The following LRP1B variants were observed in gnomAD, a reference collection of about 807,000 sequenced individuals.
LRP1B encodes the protein LDL receptor related protein 1B, also known as low-density lipoprotein receptor-related protein 1B.
Under a neutral mutation model 556.6 loss-of-function variants are expected in LRP1B, and 217 were observed. That is an observed-to-expected ratio of 0.39 (90% CI 0.35 to 0.44). LRP1B has a LOEUF of 0.44. Among genes scored for constraint, LRP1B ranks in the 20% least tolerant of loss-of-function variants. The pLI is 1.00. For missense variants in LRP1B, 5,053 were observed against 5,620.8 expected, an observed-to-expected ratio of 0.90 and a Z score of 3.23; for synonymous variants, 2,047 against 1,865.8, an observed-to-expected ratio of 1.10 and a Z score of -2.50.
At chr2:140,674,087 T>G (rs1038749979) in intron 41 of LRP1B, among the ~76,000 whole-genome samples, 1 of 151,906 alleles carries the variant, frequency 6.6e-6, no homozygotes, top group Non-Finnish European at 1.5e-5. Flanking sequence ...AAGCTGGGAT[T>G]ACAGGCGCCC....
intron 5 of LRP1B, among the ~76,000 whole-genome samples, chr2:141,238,480 A>G (rs929649988): frequency 2.6e-5 from 4 of 152,128 alleles, no homozygotes; most frequent in African/African-American, 9.6e-5. Context: ...AATATTTATT[A>G]TCCATTCAAC....
At chr2:140,843,249 A>G (rs1692177172) in intron 29 of LRP1B, among the ~76,000 whole-genome samples, 1 of 152,028 alleles carries the variant, frequency 6.6e-6, no homozygotes, top group Non-Finnish European at 1.5e-5. Context: ...AAAGCTATAA[A>G]TATCTATCTA....
chr2:141,267,424 C>T (rs555791094), intron 3 of LRP1B, among the ~76,000 whole-genome samples: 12 of 152,006 alleles, frequency 7.9e-5, no homozygotes, highest in African/African-American at 2.4e-4. Context: ...CTCATAAATG[C>T]TGAGATATGA....
At chr2:140,328,145 C>G (rs141740167) in intron 79 of LRP1B, among the ~76,000 whole-genome samples, 139 of 152,020 alleles carry the variant, frequency 9.1e-4, no homozygotes, top group African/African-American at 3.0e-3. Context: ...AATCAATTCT[C>G]AAGAAACTCA....
intron 3 of LRP1B, among the ~76,000 whole-genome samples, chr2:141,278,104 G>A (rs1164085435): frequency 1.3e-5 from 2 of 152,054 alleles, no homozygotes; most frequent in Admixed American, 1.3e-4. Flanking sequence ...AAAATCCTAA[G>A]TTGTCTCAAA....
At chr2:140,759,161 G>A (rs1472969917) in intron 35 of LRP1B, among the ~76,000 whole-genome samples, 5 of 151,994 alleles carry the variant, frequency 3.3e-5, no homozygotes, top group African/African-American at 1.2e-4. Flanking sequence ...ACTGTTGACT[G>A]AGAAAATAGA....
intron 7 of LRP1B, among the ~76,000 whole-genome samples, chr2:141,081,593 T>G (rs1699923714): frequency 6.6e-6 from 1 of 152,196 alleles, no homozygotes; most frequent in African/African-American, 2.4e-5. Flanking sequence ...ACTGGAGGAA[T>G]AAGAACTTGC....
At chr2:140,322,814 G>A (rs570960115) in intron 81 of LRP1B, among the ~76,000 whole-genome samples, 4 of 151,924 alleles carry the variant, frequency 2.6e-5, no homozygotes, top group South Asian at 2.1e-4. Flanking sequence ...TATGAGAGTG[G>A]CTTTTTTTCT....
chr2:141,397,003 C>T (rs1018909192), intron 3 of LRP1B, among the ~76,000 whole-genome samples: 1 of 149,536 alleles, frequency 6.7e-6, no homozygotes, highest in African/African-American at 2.5e-5. Context: ...ATCCCAACTA[C>T]TCGGGAGGCT....
chr2:141,542,964 C>A (rs2105212954), intron 2 of LRP1B, among the ~76,000 whole-genome samples: 1 of 152,182 alleles, frequency 6.6e-6, no homozygotes, highest in Admixed American at 6.6e-5. Context: ...AGAAGATTCC[C>A]AAACTATCTC....
At chr2:140,289,310 A>G (rs1683282256) in intron 84 of LRP1B, among the ~76,000 whole-genome samples, 1 of 151,986 alleles carries the variant, frequency 6.6e-6, no homozygotes, top group South Asian at 2.1e-4. Context: ...CGCTTTATCT[A>G]ACTTTTACTC....
intron 6 of LRP1B, among the ~76,000 whole-genome samples, chr2:141,218,823 C>G (rs1193891471): frequency 1.3e-5 from 2 of 152,102 alleles, no homozygotes; most frequent in Non-Finnish European, 2.9e-5. Context: ...AGAAGCAGCT[C>G]CAGTCTGCAG....
chr2:140,956,321 T>G (rs748386699), intron 18 of LRP1B, among the ~76,000 whole-genome samples: 23 of 151,766 alleles, frequency 1.5e-4, no homozygotes, highest in Non-Finnish European at 2.8e-4. Context: ...CAAAATACAT[T>G]ATTTTTTTCA....
intron 1 of LRP1B, among the ~76,000 whole-genome samples, chr2:141,822,118 C>CAGAGAGAGAGAGAGAGAGAGAG (rs1417592688): frequency 1.9e-5 from 2 of 102,988 alleles, no homozygotes; most frequent in African/African-American, 8.4e-5. Flanking sequence ...CACACACACA[C>CAGAGAGAGAGAGAGAGAGAGAG]ACACACACAC....
chr2:141,672,994 T>G (rs577457083), intron 2 of LRP1B, among the ~76,000 whole-genome samples: 47 of 152,278 alleles, frequency 3.1e-4, no homozygotes, highest in African/African-American at 1.1e-3. Flanking sequence ...TGGGTATCAT[T>G]AACACATTCC....
chr2:141,107,371 G>A (rs566638496), intron 7 of LRP1B, among the ~76,000 whole-genome samples: 93 of 152,246 alleles, frequency 6.1e-4, no homozygotes, highest in African/African-American at 2.1e-3. Flanking sequence ...ATTTAGGCTG[G>A]GCACGGTAGC....
At chr2:141,397,817 A>G (rs576874186) in intron 3 of LRP1B, among the ~76,000 whole-genome samples, 1 of 150,626 alleles carries the variant, frequency 6.6e-6, no homozygotes, top group Non-Finnish European at 1.5e-5. Flanking sequence ...TTATATATAC[A>G]TATATATTTA....
chr2:140,845,566 G>A (rs1164269656), intron 29 of LRP1B, among the ~76,000 whole-genome samples: 1 of 150,886 alleles, frequency 6.6e-6, no homozygotes, highest in South Asian at 2.1e-4. Context: ...AAAAACAAAA[G>A]GTCCAATCCT....
intron 77 of LRP1B, among the ~76,000 whole-genome samples, chr2:140,348,629 T>C (rs1041073376): frequency 2.0e-5 from 3 of 152,132 alleles, no homozygotes; most frequent in African/African-American, 7.2e-5. Context: ...ATTACTATCA[T>C]TAAAAGTAAA....
Sources: gnomAD v4.1 joint callset for allele counts (sites outside exome capture counted in the v4.1 genomes callset) on GRCh38, gnomAD v4.1.1 for gene constraint, MANE v1.5 for transcripts, NCBI Gene and HGNC (gene_info 2026-07-23, HGNC 2026-07-21) for gene names.